The following AFAP1 variants were observed in gnomAD, a reference collection of about 807,000 sequenced individuals.
The protein encoded by AFAP1 is actin filament associated protein 1, also known as actin filament-associated protein 1.
In AFAP1, 75 loss-of-function variants were observed where a neutral mutation model predicts 93.9. That is an observed-to-expected ratio of 0.80 (90% CI 0.66 to 0.97). The LOEUF is 0.97. Among genes scored for constraint, AFAP1 ranks in the 50% least tolerant of loss-of-function variants. The pLI is 0.00. For synonymous variants in AFAP1, 517 were observed against 430.7 expected (o/e 1.20, Z -2.48); for missense variants, 1,201 against 1,050.8 (o/e 1.14, Z -1.98).
At chr4:7,801,009 G>A (rs915149153) in intron 9 of AFAP1, among the ~76,000 whole-genome samples, 12 of 152,210 alleles carry the variant, frequency 7.9e-5, no homozygotes, top group Admixed American at 1.3e-4. Flanking sequence ...ATGGGGGCAC[G>A]ACAGCTGCCT....
At chr4:7,827,377 GCCTGAC>G (rs1721518345) in intron 6 of AFAP1, among the ~76,000 whole-genome samples, 1 of 151,828 alleles carries the variant, frequency 6.6e-6, no homozygotes, top group Non-Finnish European at 1.5e-5. Context: ...TTCGAGACCA[GCCTGAC>G]CAACATAGAG....
chr4:7,764,332 G>C (rs1235598280), intron 17 of AFAP1, among the ~76,000 whole-genome samples: 1 of 152,184 alleles, frequency 6.6e-6, no homozygotes, highest in East Asian at 1.9e-4. Context: ...CGTGAGGCTA[G>C]GAGTTTGAGA....
intron 1 of AFAP1, among the ~76,000 whole-genome samples, chr4:7,922,609 C>G (rs1334088795): frequency 6.6e-6 from 1 of 152,222 alleles, no homozygotes; most frequent in Non-Finnish European, 1.5e-5. Context: ...AATGGAAACA[C>G]TGAAACCCAA....
intron 16 of AFAP1, 63 bp downstream of exon 16, chr4:7,772,757 T>G: frequency 6.6e-7 from 1 of 1,505,662 alleles, no homozygotes; most frequent in African/African-American, 1.4e-5. Context: ...TCTCTCTGGG[T>G]GCACTGGCCC....
chr4:7,799,953 C>T (rs1434739849), intron 10 of AFAP1, among the ~76,000 whole-genome samples: 1 of 152,096 alleles, frequency 6.6e-6, no homozygotes, highest in Non-Finnish European at 1.5e-5. Context: ...CACTGGCCGC[C>T]GTCTATAAGG....
intron 1 of AFAP1, among the ~76,000 whole-genome samples, chr4:7,873,600 G>A (rs1717260750): frequency 6.6e-6 from 1 of 151,796 alleles, no homozygotes; most frequent in South Asian, 2.1e-4. Flanking sequence ...CACCCATCTG[G>A]GCCTCCCAAA....
intron 1 of AFAP1, among the ~76,000 whole-genome samples, chr4:7,894,032 C>T (rs918770311): frequency 1.3e-5 from 2 of 152,172 alleles, no homozygotes; most frequent in African/African-American, 4.8e-5. Flanking sequence ...ACAGTAAGAA[C>T]AATGCCCCCA....
intron 6 of AFAP1, among the ~76,000 whole-genome samples, chr4:7,827,659 C>T (rs926802328): frequency 5.5e-5 from 8 of 146,388 alleles, no homozygotes; most frequent in African/African-American, 1.8e-4. Context: ...TTTTGAGAGA[C>T]ACCAACCCAT....
chr4:7,922,901 G>A lies in AFAP1; in HGVS notation c.-3+16755C>T, dbSNP rs193062119. On this transcript the variant is annotated intron_variant, in intron 1 of 17. Transcript: ENST00000420658. ...AGGAGCTACTCAGGAGGCTGGGGCA[G>A]GAGGATCACTTGAGCCCAGGAATTT... Among the ~76,000 whole-genome samples the A allele has an allele frequency of 1.4e-4, 21 of 152,292 alleles. 1 individual carries two copies. In the East Asian group the frequency reaches 3.5e-3, roughly 25 times the overall value.
intron 11 of AFAP1, among the ~76,000 whole-genome samples, chr4:7,792,690 A>G (rs1717991800): frequency 6.6e-6 from 1 of 152,170 alleles, no homozygotes; most frequent in South Asian, 2.1e-4. Flanking sequence ...ACACACCTGC[A>G]TGCTCTCTGT....
At chr4:7,860,065 C>T (rs536827902) in intron 3 of AFAP1, among the ~76,000 whole-genome samples, 1 of 152,104 alleles carries the variant, frequency 6.6e-6, no homozygotes, top group South Asian at 2.1e-4. Flanking sequence ...ACTGCTCGAG[C>T]CCGGGAAGTC....
At chr4:7,868,834 T>C (rs986476967) in intron 2 of AFAP1, 115 bp from the exon 3 acceptor site, 6 of 898,026 alleles carry the variant, frequency 6.7e-6, no homozygotes, top group Admixed American at 2.3e-5. Flanking sequence ...ATTTATTTTC[T>C]CTAATCCTTT....
At chr4:7,937,536 G>C (rs1331289196) in intron 1 of AFAP1, among the ~76,000 whole-genome samples, 1 of 152,178 alleles carries the variant, frequency 6.6e-6, no homozygotes, top group African/African-American at 2.4e-5. Context: ...GCCCAGGCTG[G>C]AGTGCAGTGG....
At chr4:7,857,200 C>T (rs959032069) in intron 3 of AFAP1, among the ~76,000 whole-genome samples, 3 of 151,984 alleles carry the variant, frequency 2.0e-5, no homozygotes, top group Middle Eastern at 3.2e-3. Flanking sequence ...GTTACAGTTC[C>T]AAGTAGAAAA....
At position 7,778,851 on chromosome 4, in the gene AFAP1, G is replaced by A. The variant is rs771513153; in HGVS notation, c.1808C>T (p.Ala603Val). The change falls in exon 14 of 18, where the codon GCG (alanine) becomes GTG (valine). Residue 603 changes from alanine (A) to valine (V), a missense_variant. Transcript: ENST00000420658. ...CCCTTTTCCTGTGACCCCATTAGAC[G>A]CCACGGGGGGCTTTTTACCCTTGAG... The part of the protein sequence containing the change: ...SQLKGKKPPV[A>V]SNGVTGKGKT... 1.5e-5 allele frequency: 24 copies of A among 1,613,578 alleles called. 1 individual carries two copies. Among genetic ancestry groups the A allele is most frequent in the East Asian group, 1.1e-4 (5 of 44,896 alleles).
intron 5 of AFAP1, among the ~76,000 whole-genome samples, chr4:7,839,551 C>T (rs1161093370): frequency 6.6e-6 from 1 of 152,034 alleles, no homozygotes; most frequent in Admixed American, 6.6e-5. Context: ...TTGTTATCTG[C>T]CTATCTCATC....
chr4:7,891,766 A>AT (rs1718487017), intron 1 of AFAP1, among the ~76,000 whole-genome samples: 1 of 148,170 alleles, frequency 6.7e-6, no homozygotes, highest in Non-Finnish European at 1.5e-5. Context: ...AAAAAAAAAA[A>AT]GGCCGGGCGT....
chr4:7,937,962 T>A (rs1421928199), intron 1 of AFAP1, among the ~76,000 whole-genome samples: 2 of 152,188 alleles, frequency 1.3e-5, no homozygotes, highest in East Asian at 3.9e-4. Context: ...ATGCACAAAC[T>A]GCGCCTGCCC....
At chr4:7,898,819 G>GTGTGTGTGTGTC (rs1718944294) in intron 1 of AFAP1, among the ~76,000 whole-genome samples, 1 of 151,138 alleles carries the variant, frequency 6.6e-6, no homozygotes, top group Non-Finnish European at 1.5e-5. Context: ...GTGTGTGTGT[G>GTGTGTGTGTGTC]TGTGTGTGTG....
Sources: allele counts gnomAD v4.1 joint callset (sites outside exome capture counted in the v4.1 genomes callset), GRCh38; gene constraint gnomAD v4.1.1; transcripts MANE v1.5; gene names NCBI Gene and HGNC (gene_info 2026-07-23, HGNC 2026-07-21).